CABIN1: variants seen among roughly 807,000 people sequenced by gnomAD.
CABIN1 encodes calcineurin binding protein 1.
CABIN1 carries 133 observed loss-of-function variants against 227.7 expected under a neutral mutation model. The ratio of observed to expected loss-of-function variants is 0.58; its 90% CI spans 0.51 to 0.67. The LOEUF is 0.67. Among genes scored for constraint, CABIN1 ranks in the 30% least tolerant of loss-of-function variants. The pLI is 0.00. For missense variants in CABIN1, 2,408 were observed against 2,852.5 expected, an observed-to-expected ratio of 0.84 and a Z score of 3.55; for synonymous variants, 1,086 against 1,155.1, an observed-to-expected ratio of 0.94 and a Z score of 1.21.
intron 26 of CABIN1, among the ~76,000 whole-genome samples, chr22:24,108,478 C>T (rs941142278): frequency 2.0e-5 from 3 of 152,222 alleles, no homozygotes; most frequent in Non-Finnish European, 4.4e-5. Flanking sequence ...AGGGAAGAGC[C>T]TTTCACAAGC....
chr22:24,066,725 CTCTGCT>C, intron 15 of CABIN1, among the ~76,000 whole-genome samples: 1 of 152,212 alleles, frequency 6.6e-6, no homozygotes, highest in East Asian at 1.9e-4. Context: ...CCTGGAACTC[CTCTGCT>C]TCTGAGTAGT....
chr22:24,123,789 A>G (rs1394842979), intron 28 of CABIN1, among the ~76,000 whole-genome samples: 1 of 152,260 alleles, frequency 6.6e-6, no homozygotes, highest in Non-Finnish European at 1.5e-5. Flanking sequence ...CCCGCTGTGT[A>G]TATTTGACAG....
At chr22:24,066,649 A>G (rs1246831547) in intron 15 of CABIN1, among the ~76,000 whole-genome samples, 2 of 152,086 alleles carry the variant, frequency 1.3e-5, no homozygotes, top group South Asian at 2.1e-4. Context: ...GATGTTCCGC[A>G]GTTCTGCAAG....
intron 28 of CABIN1, among the ~76,000 whole-genome samples, chr22:24,126,695 A>C (rs547879135): frequency 2.0e-5 from 3 of 152,286 alleles, no homozygotes; most frequent in Middle Eastern, 3.4e-3. Context: ...ATCATCCTGA[A>C]TTAGGTTAAA....
At chr22:24,140,440 G>C (rs1252940123) in intron 29 of CABIN1, among the ~76,000 whole-genome samples, 1 of 152,162 alleles carries the variant, frequency 6.6e-6, no homozygotes, top group Non-Finnish European at 1.5e-5. Flanking sequence ...TGCTGGGGTG[G>C]CTACCCACAC....
At chr22:24,147,330 C>T (rs117412493) in intron 29 of CABIN1, among the ~76,000 whole-genome samples, 24,538 of 100,270 alleles carry the variant, frequency 0.24, 3,309 homozygotes, top group East Asian at 0.39. Flanking sequence ...CCTCCCTCCT[C>T]TCCTCCCTCC....
At position 24,019,396 on chromosome 22, in the gene CABIN1, C is replaced by T. The variant is rs750708809; in HGVS notation, c.-75+8029C>T. On this transcript the variant is annotated intron_variant, in intron 1 of 36. Coordinates refer to ENST00000263119, the MANE Select transcript of CABIN1 (RefSeq NM_012295.4). ...CCTCCTGCCTTGGCCTCCCAAAGTGCTGGGATTACAGGCGTGAGCCTGTAA... is the reference window on the plus strand; with the variant it reads ...CCTCCTGCCTTGGCCTCCCAAAGTGTTGGGATTACAGGCGTGAGCCTGTAA... Among the ~76,000 whole-genome samples, 42 of 151,650 alleles carry T rather than the reference C, an allele frequency of 2.8e-4. 1 individual carries two copies. Among genetic ancestry groups the T allele is most frequent in the Admixed American group, 1.3e-4 (2 of 15,252 alleles).
Position 24,060,137 on chromosome 22 carries a change from T to G in CABIN1, c.1613T>G (p.Ile538Ser). ...CTGAGGGACTGCAGCAACAAGCACATCAAGGTTAGGGGGAGCCTCTCAAGG... is the reference window on the plus strand; with the variant it reads ...CTGAGGGACTGCAGCAACAAGCACAGCAAGGTTAGGGGGAGCCTCTCAAGG... ...PLLRDCSNKH[I>S]KDMMLMSLSC... Residue 538 changes from isoleucine to serine, a missense_variant, in exon 12 of 37, where the codon ATC becomes AGC. Physicochemically the swap from Ile to Ser is moderately radical, Grantham distance 142. Coordinates refer to ENST00000263119, the MANE Select transcript of CABIN1 (RefSeq NM_012295.4). 2 of 1,613,192 alleles carry G rather than the reference T, an allele frequency of 1.2e-6. No homozygotes were observed. The highest frequency in any genetic ancestry group is 1.7e-6 in the Non-Finnish European group (2 of 1,179,928).
At chr22:24,139,586 C>T (rs1050580375) in intron 29 of CABIN1, among the ~76,000 whole-genome samples, 7 of 151,708 alleles carry the variant, frequency 4.6e-5, no homozygotes, top group Non-Finnish European at 8.8e-5. Context: ...AAAAAGTGTG[C>T]GTGTGTGCTT....
chr22:24,074,755 G>GAA (rs1431742278), intron 18 of CABIN1, among the ~76,000 whole-genome samples: 1 of 152,218 alleles, frequency 6.6e-6, no homozygotes, highest in Middle Eastern at 3.2e-3. Context: ...TTGGGCTTTT[G>GAA]AGCTGACAAA....
chr22:24,143,700 G>A (rs1395716500), intron 29 of CABIN1, among the ~76,000 whole-genome samples: 1 of 152,126 alleles, frequency 6.6e-6, no homozygotes, highest in African/African-American at 2.4e-5. Flanking sequence ...TGATCGGGGG[G>A]TGCCTCCTTA....
At chr22:24,038,308 C>A (rs750486402) in intron 3 of CABIN1, 40 bp from the exon 4 acceptor site, 1 of 1,526,912 alleles carries the variant, frequency 6.5e-7, no homozygotes, top group Non-Finnish European at 9.1e-7. Flanking sequence ...AAAGACAGAT[C>A]TTTATGCTGT....
intron 1 of CABIN1, among the ~76,000 whole-genome samples, chr22:24,019,400 G>A (rs2035546856): frequency 6.6e-6 from 1 of 151,620 alleles, no homozygotes; most frequent in Non-Finnish European, 1.5e-5. Flanking sequence ...AAAGTGCTGG[G>A]ATTACAGGCG....
Position 24,166,778 on chromosome 22 carries a change from G to C in CABIN1, c.5147G>C (p.Gly1716Ala). 6.2e-7 allele frequency: 1 copy of C among 1,612,936 alleles called. No individual in the cohort carries two copies. The highest frequency in any genetic ancestry group is 8.5e-7 in the Non-Finnish European group (1 of 1,179,990). ...PKKPPLADGS[G>A]PGPEPGGKVG... ...AAGCCCCCTCTGGCTGATGGCTCAGGGCCAGGGCCCGAGCCAGGAGGCAAA... is the reference window on the plus strand; with the variant it reads ...AAGCCCCCTCTGGCTGATGGCTCAGCGCCAGGGCCCGAGCCAGGAGGCAAA... Residue 1716 changes from glycine to alanine, a missense_variant, in exon 32 of 37, where the codon GGG (glycine) becomes GCG (alanine). This residue lies in a region of CABIN1 where 714 missense variants were observed against 773.8 expected (regional missense o/e 0.92). Coordinates refer to ENST00000263119, the MANE Select transcript of CABIN1 (RefSeq NM_012295.4).
intron 27 of CABIN1, among the ~76,000 whole-genome samples, chr22:24,118,446 G>A (rs1178897653): frequency 1.3e-5 from 2 of 152,114 alleles, no homozygotes; most frequent in East Asian, 3.9e-4. Context: ...GCCCCAGCAG[G>A]CCCCAGCTAT....
intron 6 of CABIN1, among the ~76,000 whole-genome samples, chr22:24,048,682 AGT>A (rs2038085600): frequency 6.6e-6 from 1 of 152,068 alleles, no homozygotes; most frequent in South Asian, 2.1e-4. Context: ...CGGCCTCTAG[AGT>A]GTTGGGATTA....
chr22:24,071,217 C>T (rs2040062357), intron 17 of CABIN1, 175 bp downstream of exon 17: 1 of 825,936 alleles, frequency 1.2e-6, no homozygotes, highest in Non-Finnish European at 2.0e-6. Context: ...AGGCTGCAAA[C>T]CTTCCTGGGG....
chr22:24,042,179 C>T (rs972848370), intron 5 of CABIN1, among the ~76,000 whole-genome samples: 6 of 152,238 alleles, frequency 3.9e-5, no homozygotes, highest in Non-Finnish European at 7.3e-5. Flanking sequence ...TGCTCTCGAA[C>T]TCTTGGACTC....
intron 26 of CABIN1, among the ~76,000 whole-genome samples, chr22:24,105,844 A>C (rs1337976842): frequency 1.3e-5 from 2 of 152,326 alleles, no homozygotes; most frequent in East Asian, 3.9e-4. Flanking sequence ...CAGGAGAACA[A>C]AATGCCTCTG....
Sources: allele counts gnomAD v4.1 joint callset (sites outside exome capture counted in the v4.1 genomes callset), GRCh38; gene constraint gnomAD v4.1.1; regional missense constraint gnomAD v4.1.1; transcripts MANE v1.5; gene names NCBI Gene and HGNC (gene_info 2026-07-23, HGNC 2026-07-21).